The following HFM1 variants were observed in gnomAD, a reference collection of about 807,000 sequenced individuals.
HFM1 encodes the protein probable ATP-dependent DNA helicase HFM1.
A neutral mutation model predicts 192.1 loss-of-function variants in HFM1; 169 were observed. The observed-to-expected ratio is 0.88, with a 90% CI of 0.78 to 1.00. The LOEUF (loss-of-function observed/expected upper bound fraction) is 1.00, where lower values mean the gene tolerates loss of function less well. Ranked by LOEUF, HFM1 falls within the 50% of genes least tolerant of loss-of-function variation. The pLI is 0.00. For synonymous variants in HFM1, 525 were observed against 537.8 expected (o/e 0.98, Z 0.33); for missense variants, 1,661 against 1,668.0 (o/e 1.00, Z 0.07).
rs1303031960 is a variant in HFM1, at chr1:91,328,465, C to T, written c.2336-3699G>A. 18 of 1,613,184 alleles carry T rather than the reference C, an allele frequency of 1.1e-5. No individual in the cohort carries two copies. In the Middle Eastern group the frequency reaches 5.0e-4, roughly 44 times the overall value. ...GAATGACATCAAGAGCTACTTTGGC[C>T]GTAAGGTGGCCATTGATGCCTCTAT... On this transcript the variant is annotated intron_variant, in intron 20 of 38. Transcript: ENST00000370425.
chr1:91,298,686 T>A (rs978866032), intron 30 of HFM1, among the ~76,000 whole-genome samples: 1 of 152,148 alleles, frequency 6.6e-6, no homozygotes, highest in African/African-American at 2.4e-5. Flanking sequence ...CCAGCCAAAC[T>A]AAGCTTCATA....
intron 21 of HFM1, 28 bp downstream of exon 21, chr1:91,324,647 A>AT (rs745562781): frequency 5.6e-5 from 57 of 1,019,248 alleles, no homozygotes; most frequent in Admixed American, 7.4e-5. Flanking sequence ...ACCACTATGT[A>AT]TTTTTTTTCT....
In HFM1 at chr1:91,319,479, A is replaced by C. The variant is rs1445381221; in HGVS notation, c.2583-89T>G. 9 of 792,642 alleles carry C rather than the reference A, an allele frequency of 1.1e-5. No individual in the cohort carries two copies. In the African/African-American group the frequency reaches 1.2e-4, roughly 11 times the overall value. The allele number at this position is 792,642 out of a possible 1,614,324, so 49.1% of individuals were successfully genotyped here. A position where few individuals can be genotyped will look rare whatever the true frequency, so the allele number is the denominator to read the frequency against. On this transcript the variant is annotated intron_variant, in intron 23 of 38. Coordinates refer to ENST00000370425, the MANE Select transcript of HFM1 (RefSeq NM_001017975.6). ...TCACTCACTGAAGTATTCCTTCTTA[A>C]AACTTTTCTCTGCCTTAATTTCTGC...
chr1:91,364,940 ATATAT>A (rs908963635), intron 13 of HFM1, among the ~76,000 whole-genome samples: 64 of 151,910 alleles, frequency 4.2e-4, no homozygotes, highest in African/African-American at 1.5e-3. Context: ...GTGTGTATAT[ATATAT>A]AACATAGTAT....
chr1:91,394,467 T>C, intron 3 of HFM1, 65 bp from the exon 4 acceptor site: 4 of 971,532 alleles, frequency 4.1e-6, no homozygotes, highest in South Asian at 1.7e-5. Context: ...AAAATGATGA[T>C]GAAAAACTTT....
At chr1:91,261,392 T>C in intron 38 of HFM1, 33 bp from the exon 39 acceptor site, 1 of 981,686 alleles carries the variant, frequency 1.0e-6, no homozygotes, top group Non-Finnish European at 1.4e-6. Context: ...AAAATAACTA[T>C]TTTTTAACAC....
Position 91,327,966 on chromosome 1 carries a change from AG to A in HFM1, c.2336-3201del, listed in dbSNP as rs1015019598. Among the ~76,000 whole-genome samples, 36 of 152,188 alleles carry A rather than the reference AG, an allele frequency of 2.4e-4. 1 individual carries two copies. Among genetic ancestry groups the A allele is most frequent in the African/African-American group, 8.7e-4 (36 of 41,460 alleles). On this transcript the variant is annotated intron_variant, in intron 20 of 38. Transcript: ENST00000370425. ...ACCAAAACCAATGGGATACAGCAAA[AG>A]TAGTATGAAGAGGAAAGTTTATAGC... is the stretch of plus-strand genomic sequence containing the variant.
intron 20 of HFM1, 107 bp from the exon 21 acceptor site, chr1:91,324,873 C>G (rs779954281): frequency 1.4e-6 from 1 of 702,694 alleles, no homozygotes; most frequent in Non-Finnish European, 2.6e-6. Flanking sequence ...GATGGTAGAA[C>G]AGAAGCCTAG....
chr1:91,385,171 ATAACT>A lies in HFM1; in HGVS notation c.802+11_802+15del, dbSNP rs1662038103. 2.8e-6 allele frequency: 4 copies of A among 1,421,296 alleles called. No individual in the cohort carries two copies. In the South Asian group the frequency reaches 4.9e-5, roughly 18 times the overall value. The allele number at this position is 1,421,296 out of a possible 1,614,324, so 88.0% of individuals were successfully genotyped here. Reference sequence around the variant, plus strand: ...AATAAATACAAAGCAGCTATTGTAAATAACTTAAAGGATACGAATTTCTGTGACAG... The same window carrying A: ...AATAAATACAAAGCAGCTATTGTAAATAAAGGATACGAATTTCTGTGACAG... On this transcript the variant is annotated intron_variant, in intron 6 of 38. Transcript: ENST00000370425.
At chr1:91,380,315 TAGTA>T (rs1405286438) in intron 7 of HFM1, 79 bp from the exon 8 acceptor site, 2 of 915,036 alleles carry the variant, frequency 2.2e-6, no homozygotes, top group South Asian at 2.9e-5. Flanking sequence ...AAAAAAGTCT[TAGTA>T]AGAATCTAAG....
chr1:91,272,242 TA>T (rs755502665), intron 34 of HFM1, among the ~76,000 whole-genome samples: 1 of 152,058 alleles, frequency 6.6e-6, no homozygotes, highest in South Asian at 2.1e-4. Context: ...CCCTAAAATA[TA>T]ACCAGATGAG....
intron 38 of HFM1, among the ~76,000 whole-genome samples, chr1:91,261,917 A>G (rs2100652503): frequency 6.6e-6 from 1 of 152,346 alleles, no homozygotes; most frequent in Middle Eastern, 3.4e-3. Flanking sequence ...TTGAAAAATT[A>G]GCTGATCTCA....
At chr1:91,290,177 C>G (rs1304669812) in intron 30 of HFM1, among the ~76,000 whole-genome samples, 1 of 151,974 alleles carries the variant, frequency 6.6e-6, no homozygotes, top group Non-Finnish European at 1.5e-5. Context: ...ATCATAATGA[C>G]AGGATCAAAT....
intron 13 of HFM1, among the ~76,000 whole-genome samples, chr1:91,365,576 A>G (rs1191330029): frequency 6.6e-6 from 1 of 152,208 alleles, no homozygotes; most frequent in Non-Finnish European, 1.5e-5. Flanking sequence ...TGGGTACATT[A>G]AAAGATTTTG....
At chr1:91,344,625 A>G (rs755100898) in intron 19 of HFM1, among the ~76,000 whole-genome samples, 1 of 152,038 alleles carries the variant, frequency 6.6e-6, no homozygotes, top group Non-Finnish European at 1.5e-5. Context: ...CACATATACT[A>G]TAAAGAAACA....
intron 30 of HFM1, among the ~76,000 whole-genome samples, chr1:91,278,449 G>A (rs1667157494): frequency 6.6e-6 from 1 of 152,146 alleles, no homozygotes; most frequent in Non-Finnish European, 1.5e-5. Flanking sequence ...ATTCCAGGTG[G>A]AGGGCAAATA....
At chr1:91,324,828 G>C in intron 20 of HFM1, 62 bp from the exon 21 acceptor site, 3 of 889,202 alleles carry the variant, frequency 3.4e-6, no homozygotes, top group South Asian at 2.8e-5. Context: ...GTTTTTTTAT[G>C]TTTAACAAAC....
chr1:91,343,996 T>C (rs888051061), intron 19 of HFM1, among the ~76,000 whole-genome samples: 1 of 152,254 alleles, frequency 6.6e-6, no homozygotes, highest in Non-Finnish European at 1.5e-5. Context: ...GCACAAATTA[T>C]AAGAAGTCAA....
Position 91,378,093 on chromosome 1 carries a change from T to A in HFM1, c.1327A>T (p.Lys443Ter). 4.3e-6 allele frequency: 7 copies of A among 1,612,070 alleles called. No homozygotes were observed. The highest frequency in any genetic ancestry group is 5.9e-6 in the Non-Finnish European group (7 of 1,178,692). Residue 443 changes from lysine (K) to a stop codon, truncating the protein, a stop_gained, in exon 11 of 39, where the codon AAA becomes TAA. Transcript: ENST00000370425. LOFTEE classifies it high-confidence loss of function. ...KTVQSVSQTL[K>*]NTSTAIPMRF... ...ATTGGAATAGCAGTGCTGGTATTTT[T>A]TAAAGTCTGAGAAACAGACTGTACA... is the stretch of plus-strand genomic sequence containing the variant.
Sources: allele counts gnomAD v4.1 joint callset (sites outside exome capture counted in the v4.1 genomes callset), GRCh38; gene constraint gnomAD v4.1.1; transcripts MANE v1.5; gene names NCBI Gene and HGNC (gene_info 2026-07-23, HGNC 2026-07-21).